The following SESTD1 variants were observed in gnomAD, a reference collection of about 807,000 sequenced individuals.
SESTD1 encodes SEC14 domain and spectrin repeat-containing protein 1.
SESTD1 carries 43 observed loss-of-function variants against 101.7 expected under a neutral mutation model. The ratio of observed to expected loss-of-function variants is 0.42; its 90% confidence interval spans 0.33 to 0.55. The LOEUF is 0.55. Ranked by LOEUF, SESTD1 falls within the 20% of genes least tolerant of loss-of-function variation. The probability of loss-of-function intolerance (pLI) is 0.07; values close to 1 mark genes in which losing one functional copy is unlikely to be tolerated. For synonymous variants in SESTD1, 283 were observed against 286.8 expected (o/e 0.99, Z 0.13); for missense variants, 647 against 815.1 (o/e 0.79, Z 2.51).
At chr2:179,205,465 C>A (rs7581609) in intron 1 of SESTD1, among the ~76,000 whole-genome samples, 3,996 of 134,242 alleles carry the variant, frequency 0.03, 1,098 homozygotes, top group African/African-American at 0.11. Flanking sequence ...GCATTCTCCA[C>A]ATCTCTAAAA....
chr2:179,197,553 CAG>C (rs1413054374), intron 1 of SESTD1, among the ~76,000 whole-genome samples: 4 of 152,144 alleles, frequency 2.6e-5, no homozygotes, highest in Non-Finnish European at 4.4e-5. Context: ...TAAGGGCAGC[CAG>C]AGAGAAAGGT....
intron 1 of SESTD1, among the ~76,000 whole-genome samples, chr2:179,202,099 A>T (rs2046526425): frequency 7.5e-6 from 1 of 133,430 alleles, no homozygotes; most frequent in Admixed American, 7.3e-5. Context: ...AAAGGGAATT[A>T]TTTAGGATAG....
At chr2:179,223,483 T>C (rs1335164171) in intron 1 of SESTD1, among the ~76,000 whole-genome samples, 1 of 152,036 alleles carries the variant, frequency 6.6e-6, no homozygotes, top group African/African-American at 2.4e-5. Context: ...AACAACTGAA[T>C]TGGTCATTTT....
intron 2 of SESTD1, among the ~76,000 whole-genome samples, chr2:179,191,043 GCTACCATTCAATC>G (rs1414993692): frequency 4.6e-5 from 7 of 152,090 alleles, no homozygotes; most frequent in African/African-American, 1.7e-4. Context: ...TAATGGGATT[GCTACCATTCAATC>G]CAGCAATCCC....
At chr2:179,151,727 A>G (rs1257065876) in intron 5 of SESTD1, among the ~76,000 whole-genome samples, 1 of 152,168 alleles carries the variant, frequency 6.6e-6, no homozygotes, top group Non-Finnish European at 1.5e-5. Flanking sequence ...TTTTCACATC[A>G]TCTTAAAATT....
chr2:179,148,841 A>G (rs2045448910), intron 7 of SESTD1, among the ~76,000 whole-genome samples: 1 of 152,074 alleles, frequency 6.6e-6, no homozygotes, highest in South Asian at 2.1e-4. Flanking sequence ...CGGGCAGATC[A>G]CGAGGTCAGG....
At chr2:179,245,587 G>C (rs187869221) in intron 1 of SESTD1, among the ~76,000 whole-genome samples, 21 of 150,744 alleles carry the variant, frequency 1.4e-4, no homozygotes, top group African/African-American at 5.1e-4. Context: ...AGCTACTTAG[G>C]GGGAGCTGAG....
chr2:179,131,440 G>C (rs1009422313), intron 10 of SESTD1, among the ~76,000 whole-genome samples: 4 of 152,126 alleles, frequency 2.6e-5, no homozygotes, highest in African/African-American at 9.7e-5. Context: ...TTAATGTTCC[G>C]ACGGTACTTA....
At chr2:179,231,217 G>A (rs895461332) in intron 1 of SESTD1, among the ~76,000 whole-genome samples, 6 of 152,112 alleles carry the variant, frequency 3.9e-5, no homozygotes, top group African/African-American at 1.4e-4. Context: ...TTCAGCAAAA[G>A]AACTGGTGGT....
rs1575410765 is a variant in SESTD1, at chr2:179,102,583, A to G, written c.*7316T>C. ...GAACATTATAAGGATTTACAGTAGA[A>G]GCCAAATTTCCCAGCCCTTAAAATT... On this transcript the variant is annotated 3_prime_UTR_variant, in exon 18 of 18. Transcript: ENST00000428443. 1 of 152,292 alleles carries G rather than the reference A, an allele frequency of 6.6e-6. No homozygotes were observed. The highest frequency in any genetic ancestry group is 1.5e-5 in the Non-Finnish European group (1 of 68,016). 9.4% of individuals were successfully genotyped at this position (152,292 alleles called of 1,614,324 possible).
intron 2 of SESTD1, among the ~76,000 whole-genome samples, chr2:179,188,409 G>C (rs1405069797): frequency 6.6e-6 from 1 of 152,152 alleles, no homozygotes; most frequent in Non-Finnish European, 1.5e-5. Context: ...GTATCAAAGT[G>C]AGCGAGTCAC....
At chr2:179,229,295 G>A (rs532422942) in intron 1 of SESTD1, among the ~76,000 whole-genome samples, 97 of 152,236 alleles carry the variant, frequency 6.4e-4, no homozygotes, top group South Asian at 6.2e-3. Flanking sequence ...AGCCCAAACA[G>A]AACAAAAGGA....
rs777603594 is a variant in SESTD1, at chr2:179,157,953, C to T, written c.370-6562G>A. ...CCTTTGTTGAAAATACCCTAAATGT[C>T]ATGGCTGCTTTTGTCATAACAGCAT... On this transcript the variant is annotated intron_variant, in intron 5 of 17. Transcript: ENST00000428443. Among the ~76,000 whole-genome samples, 3 of 152,108 alleles carry T rather than the reference C, an allele frequency of 2.0e-5. No homozygotes were observed. In the East Asian group the frequency reaches 5.8e-4, roughly 29 times the overall value.
At chr2:179,253,436 T>C (rs914468273) in intron 1 of SESTD1, among the ~76,000 whole-genome samples, 2 of 152,236 alleles carry the variant, frequency 1.3e-5, no homozygotes, top group Non-Finnish European at 2.9e-5. Flanking sequence ...AGTAGGATAC[T>C]GTTAGTGGAA....
intron 1 of SESTD1, among the ~76,000 whole-genome samples, chr2:179,247,572 G>A (rs1459396135): frequency 1.3e-5 from 2 of 150,710 alleles, no homozygotes; most frequent in African/African-American, 4.9e-5. Context: ...CTACAGGCAT[G>A]TACCACCACA....
intron 1 of SESTD1, among the ~76,000 whole-genome samples, chr2:179,207,857 A>C (rs2046608801): frequency 7.4e-6 from 1 of 135,032 alleles, no homozygotes; most frequent in Non-Finnish European, 1.6e-5. Flanking sequence ...CCTCTCTGGC[A>C]AAAGATCCAA....
At chr2:179,194,725 C>T (rs1048152559) in intron 1 of SESTD1, among the ~76,000 whole-genome samples, 1 of 152,142 alleles carries the variant, frequency 6.6e-6, no homozygotes, top group African/African-American at 2.4e-5. Context: ...AAAAAGGCCA[C>T]ATAAAACTTG....
chr2:179,217,931 G>A (rs573106330), intron 1 of SESTD1, among the ~76,000 whole-genome samples: 117 of 151,626 alleles, frequency 7.7e-4, no homozygotes, highest in South Asian at 2.3e-3. Flanking sequence ...ACTGAACAAC[G>A]AGAACACTTG....
At chr2:179,191,655 T>C (rs913126499) in intron 2 of SESTD1, 132 bp downstream of exon 2, 1 of 760,184 alleles carries the variant, frequency 1.3e-6, no homozygotes, top group African/African-American at 1.8e-5. Flanking sequence ...TCATTCTGAT[T>C]TAAAGATGTC....
Sources: gnomAD v4.1 joint callset for allele counts (sites outside exome capture counted in the v4.1 genomes callset) on GRCh38, gnomAD v4.1.1 for gene constraint, MANE v1.5 for transcripts, NCBI Gene and HGNC (gene_info 2026-07-23, HGNC 2026-07-21) for gene names.